The following CFAP61 variants were observed in gnomAD, a reference collection of about 807,000 sequenced individuals.
The protein encoded by CFAP61 is cilia and flagella associated protein 61.
CFAP61 carries 107 observed loss-of-function variants against 135.6 expected under a neutral mutation model. That is an observed-to-expected ratio of 0.79 (90% CI 0.67 to 0.93). The LOEUF (loss-of-function observed/expected upper bound fraction) is 0.93, where lower values mean the gene tolerates loss of function less well. Among genes scored for constraint, CFAP61 ranks in the 40% least tolerant of loss-of-function variants. CFAP61 has a pLI of 0.00. For missense variants in CFAP61, 1,507 were observed against 1,556.2 expected (o/e 0.97, Z 0.53); for synonymous variants, 575 against 578.5 (o/e 0.99, Z 0.09).
chr20:20,184,960 T>C (rs2055394205), intron 13 of CFAP61, among the ~76,000 whole-genome samples: 1 of 151,962 alleles, frequency 6.6e-6, no homozygotes. Context: ...TGGAGATGAG[T>C]CAGAGCAAGC....
At chr20:20,171,071 T>C (rs1243331054) in intron 13 of CFAP61, among the ~76,000 whole-genome samples, 1 of 152,178 alleles carries the variant, frequency 6.6e-6, no homozygotes, top group Non-Finnish European at 1.5e-5. Flanking sequence ...GTGGCAGAAC[T>C]GAAATCGGAA....
intron 8 of CFAP61, among the ~76,000 whole-genome samples, chr20:20,114,297 C>A (rs973180274): frequency 2.6e-5 from 4 of 152,046 alleles, no homozygotes; most frequent in East Asian, 1.9e-4. Context: ...TTAAAATAAT[C>A]ATTTTGGGGA....
At chr20:20,123,092 CT>C (rs1316002652) in intron 8 of CFAP61, among the ~76,000 whole-genome samples, 1 of 151,566 alleles carries the variant, frequency 6.6e-6, no homozygotes, top group Non-Finnish European at 1.5e-5. Context: ...TATTCATGTC[CT>C]TAGCTCACTT....
rs10523115 is a variant in CFAP61 at position 20,106,000 on chromosome 20, CTATATATATATATATATATATATATA to C, written c.859+7211_859+7236del. Among the ~76,000 whole-genome samples, 74 of 102,648 alleles carry C rather than the reference CTATATATATATATATATATATATATA, an allele frequency of 7.2e-4. 2 individuals carry two copies. The highest frequency in any genetic ancestry group is 1.7e-3 in the East Asian group (3 of 1,794). 67.3% of individuals were successfully genotyped at this position (102,648 alleles called of 152,430 possible). A position where few individuals can be genotyped will look rare whatever the true frequency, so the allele number is the denominator to read the frequency against. ...CTTCGAAAGCTTTAGCTACTCTTGC[CTATATATATATATATATATATATATA>C]TATATATATATATATATATATATAA... On this transcript the variant is annotated intron_variant, in intron 8 of 26. Coordinates refer to ENST00000245957, the MANE Select transcript of CFAP61 (RefSeq NM_015585.4).
At chr20:20,229,639 G>A (rs16981723) in intron 18 of CFAP61, among the ~76,000 whole-genome samples, 10,603 of 152,194 alleles carry the variant, frequency 0.07, 1,171 homozygotes, top group East Asian at 0.53. Context: ...ACGTGGAGAC[G>A]AGCTAATCCC....
intron 8 of CFAP61, among the ~76,000 whole-genome samples, chr20:20,141,201 G>A (rs1469157173): frequency 6.6e-6 from 1 of 152,194 alleles, no homozygotes; most frequent in Admixed American, 6.5e-5. Flanking sequence ...GATTACAGGT[G>A]TGAGCTACTG....
chr20:20,271,314 CA>C (rs1170789312), intron 21 of CFAP61, among the ~76,000 whole-genome samples: 1 of 152,104 alleles, frequency 6.6e-6, no homozygotes, highest in Non-Finnish European at 1.5e-5. Flanking sequence ...AAAACAAAAA[CA>C]AAAAGGTCAT....
chr20:20,156,346 C>A (rs1014604086), intron 9 of CFAP61, among the ~76,000 whole-genome samples: 1 of 152,042 alleles, frequency 6.6e-6, no homozygotes, highest in African/African-American at 2.4e-5. Context: ...ATTTGAAAAT[C>A]TAACATTAAT....
chr20:20,117,434 C>T (rs2049237478), intron 8 of CFAP61, among the ~76,000 whole-genome samples: 1 of 152,062 alleles, frequency 6.6e-6, no homozygotes, highest in South Asian at 2.1e-4. Flanking sequence ...CTATTCTGTT[C>T]CATTGGTCTA....
chr20:20,266,597 G>A (rs1404316992), intron 21 of CFAP61, among the ~76,000 whole-genome samples: 1 of 152,208 alleles, frequency 6.6e-6, no homozygotes, highest in East Asian at 1.9e-4. Context: ...GGTCAATTGA[G>A]ATGAAGACAA....
chr20:20,257,785 TTAATC>T (rs1683191962), intron 20 of CFAP61, among the ~76,000 whole-genome samples: 1 of 152,192 alleles, frequency 6.6e-6, no homozygotes, highest in African/African-American at 2.4e-5. Context: ...TTAAGCTAAA[TTAATC>T]TAATAAAGAC....
chr20:20,174,830 A>T (rs941455557), intron 13 of CFAP61, among the ~76,000 whole-genome samples: 3 of 152,156 alleles, frequency 2.0e-5, no homozygotes, highest in African/African-American at 7.2e-5. Context: ...TGCAGTTCGG[A>T]AATGTGAGAG....
chr20:20,322,235 G>A (rs891101459), intron 25 of CFAP61, among the ~76,000 whole-genome samples: 24 of 152,288 alleles, frequency 1.6e-4, no homozygotes, highest in African/African-American at 4.1e-4. Flanking sequence ...CCAAGTGATC[G>A]TAAGCATAAT....
At chr20:20,190,524 G>C (rs1338361141) in intron 14 of CFAP61, among the ~76,000 whole-genome samples, 1 of 152,116 alleles carries the variant, frequency 6.6e-6, no homozygotes, top group Non-Finnish European at 1.5e-5. Context: ...TCAATATTCT[G>C]ACTATAGTGG....
At chr20:20,330,423 C>G (rs183020171) in intron 25 of CFAP61, among the ~76,000 whole-genome samples, 1 of 152,218 alleles carries the variant, frequency 6.6e-6, no homozygotes, top group African/African-American at 2.4e-5. Context: ...GCAACCTCTG[C>G]CTCCCAGGCT....
intron 9 of CFAP61, among the ~76,000 whole-genome samples, chr20:20,154,523 G>A (rs1316685825): frequency 1.3e-5 from 2 of 152,002 alleles, no homozygotes; most frequent in African/African-American, 4.8e-5. Flanking sequence ...CAAAATCAAT[G>A]TATACAAATC....
At chr20:20,344,217 C>A (rs1229956982) in intron 26 of CFAP61, among the ~76,000 whole-genome samples, 4 of 152,158 alleles carry the variant, frequency 2.6e-5, no homozygotes, top group Non-Finnish European at 4.4e-5. Context: ...CGTGGCCAGC[C>A]GTCCCACCTC....
intron 17 of CFAP61, among the ~76,000 whole-genome samples, chr20:20,222,583 C>A (rs2048475602): frequency 6.6e-6 from 1 of 152,202 alleles, no homozygotes; most frequent in African/African-American, 2.4e-5. Context: ...TAAAGCAAGT[C>A]TCAAAACCAC....
Position 20,320,494 on chromosome 20 carries a change from AAT to A in CFAP61, c.3423-21330_3423-21329del, listed in dbSNP as rs2057442637. Among the ~76,000 whole-genome samples the A allele has an allele frequency of 2.9e-4, 3 of 10,522 alleles. 1 individual carries two copies. The highest frequency in any genetic ancestry group is 3.5e-3 in the South Asian group (1 of 282). 6.9% of individuals were successfully genotyped at this position (10,522 alleles called of 152,430 possible). ...AATATATGTAATATATAATATATGT[AAT>A]ATATATTATATATGTAATATATAAT... On this transcript the variant is annotated intron_variant, in intron 25 of 26. Coordinates refer to ENST00000245957, the MANE Select transcript of CFAP61 (RefSeq NM_015585.4).
Sources: allele counts gnomAD v4.1 joint callset (sites outside exome capture counted in the v4.1 genomes callset), GRCh38; gene constraint gnomAD v4.1.1; transcripts MANE v1.5; gene names NCBI Gene and HGNC (gene_info 2026-07-23, HGNC 2026-07-21).